CDH18: variants seen among roughly 807,000 people sequenced by gnomAD.
The protein encoded by CDH18 is cadherin-18.
CDH18 carries 31 observed loss-of-function variants against 67.9 expected under a neutral mutation model. The observed-to-expected ratio is 0.46, with a 90% CI of 0.34 to 0.62. The LOEUF (loss-of-function observed/expected upper bound fraction) is 0.62, where lower values mean the gene tolerates loss of function less well. Among genes scored for constraint, CDH18 ranks in the 20% least tolerant of loss-of-function variants. The pLI, the probability that CDH18 is intolerant of heterozygous loss-of-function variation, is 0.01. For synonymous variants in CDH18, 362 were observed against 347.2 expected (o/e 1.04, Z -0.48); for missense variants, 890 against 975.5 (o/e 0.91, Z 1.17).
chr5:20,506,212 T>C (rs1754648107), intron 1 of CDH18, among the ~76,000 whole-genome samples: 1 of 152,216 alleles, frequency 6.6e-6, no homozygotes, highest in South Asian at 2.1e-4. Flanking sequence ...CGCCTCTTCG[T>C]ACCCTTGTAT....
intron 1 of CDH18, among the ~76,000 whole-genome samples, chr5:20,426,737 A>C (rs2150168541): frequency 6.6e-6 from 1 of 151,280 alleles, no homozygotes; most frequent in Middle Eastern, 3.4e-3. Flanking sequence ...GCTTTATGGC[A>C]TTATTATTGA....
chr5:20,128,694 T>C (rs1341704019), intron 2 of CDH18, among the ~76,000 whole-genome samples: 1 of 152,144 alleles, frequency 6.6e-6, no homozygotes. Context: ...AGTTTGTAAG[T>C]TGTGATTCAT....
chr5:19,661,237 T>C (rs542913955), intron 5 of CDH18, among the ~76,000 whole-genome samples: 1 of 152,052 alleles, frequency 6.6e-6, no homozygotes, highest in South Asian at 2.1e-4. Context: ...CCAAAACATA[T>C]TAGAGCCAAT....
chr5:20,225,241 T>G (rs1008738528), intron 2 of CDH18, among the ~76,000 whole-genome samples: 11 of 152,146 alleles, frequency 7.2e-5, no homozygotes, highest in African/African-American at 2.4e-4. Flanking sequence ...TGTGACATAT[T>G]GTTTCTCTCC....
At position 19,748,582 on chromosome 5, in the gene CDH18, T is replaced by G. The variant is rs975325850; in HGVS notation, c.229-1346A>C. Among the ~76,000 whole-genome samples, 4 of 152,264 alleles carry G rather than the reference T, an allele frequency of 2.6e-5. No homozygotes were observed. The South Asian group carries it at 8.3e-4, about 32-fold the overall frequency. On this transcript the variant is annotated intron_variant, in intron 3 of 12. Coordinates refer to ENST00000382275, the MANE Select transcript of CDH18 (RefSeq NM_004934.5). Reference sequence around the variant, plus strand: ...AGTTATCCTTTATATTAAACCTTTTTGGGCACATAACCTCAATGATTTACC... The same window carrying G: ...AGTTATCCTTTATATTAAACCTTTTGGGGCACATAACCTCAATGATTTACC...
intron 2 of CDH18, among the ~76,000 whole-genome samples, chr5:20,085,804 T>C (rs1178871643): frequency 6.6e-6 from 1 of 152,120 alleles, no homozygotes; most frequent in African/African-American, 2.4e-5. Context: ...CATGATTCAA[T>C]TACCTCCCCA....
chr5:20,354,723 CT>C (rs1561997815), intron 1 of CDH18, among the ~76,000 whole-genome samples: 1 of 152,138 alleles, frequency 6.6e-6, no homozygotes, highest in Non-Finnish European at 1.5e-5. Flanking sequence ...AACTCCTAAG[CT>C]TTTCAATCCA....
upstream of CDH18, chr5:19,991,976 C>A (rs1471756346): frequency 1.3e-5 from 2 of 149,390 alleles, no homozygotes; most frequent in Non-Finnish European, 3.0e-5. Context: ...TGAGATTGCG[C>A]CACTGCACTC....
chr5:20,337,384 C>T (rs913957551), intron 1 of CDH18, among the ~76,000 whole-genome samples: 5 of 152,160 alleles, frequency 3.3e-5, no homozygotes, highest in Non-Finnish European at 5.9e-5. Flanking sequence ...GCACCCAAGT[C>T]GCCTTTAGCA....
At chr5:20,475,143 A>G (rs939684913) in intron 1 of CDH18, among the ~76,000 whole-genome samples, 24 of 152,172 alleles carry the variant, frequency 1.6e-4, no homozygotes, top group Non-Finnish European at 3.5e-4. Flanking sequence ...ATTCAGTATG[A>G]CTGCACATTT....
At chr5:19,649,806 G>C in intron 5 of CDH18, among the ~76,000 whole-genome samples, 1 of 151,532 alleles carries the variant, frequency 6.6e-6, no homozygotes, top group East Asian at 1.9e-4. Flanking sequence ...AAACTTCCAG[G>C]GTTCTTATAT....
intron 2 of CDH18, among the ~76,000 whole-genome samples, chr5:20,098,557 A>G (rs1227338792): frequency 6.6e-6 from 1 of 152,050 alleles, no homozygotes; most frequent in Non-Finnish European, 1.5e-5. Context: ...AGATTTTTAC[A>G]TTTTATACTT....
chr5:19,808,403 C>T (rs1354358446), intron 3 of CDH18, among the ~76,000 whole-genome samples: 1 of 151,536 alleles, frequency 6.6e-6, no homozygotes, highest in Non-Finnish European at 1.5e-5. Flanking sequence ...TATGTGAGGT[C>T]CAGTGCAATT....
intron 3 of CDH18, among the ~76,000 whole-genome samples, chr5:19,800,670 C>T (rs1291050663): frequency 6.6e-6 from 1 of 152,004 alleles, no homozygotes; most frequent in African/African-American, 2.4e-5. Flanking sequence ...TTTGTGTAAA[C>T]CATTGGATTC....
intron 4 of CDH18, among the ~76,000 whole-genome samples, chr5:19,734,310 C>T (rs902590176): frequency 2.6e-5 from 4 of 152,162 alleles, no homozygotes; most frequent in African/African-American, 9.7e-5. Flanking sequence ...TCTTTCCAAG[C>T]TTGTTGAGTA....
At chr5:20,016,942 C>A (rs1737932222) in intron 2 of CDH18, among the ~76,000 whole-genome samples, 1 of 152,018 alleles carries the variant, frequency 6.6e-6, no homozygotes, top group African/African-American at 2.4e-5. Context: ...AGTAATAGTG[C>A]CTTTCATTTA....
intron 1 of CDH18, among the ~76,000 whole-genome samples, chr5:20,504,760 A>ATTTT (rs70954666): frequency 4.4e-5 from 3 of 67,984 alleles, no homozygotes; most frequent in African/African-American, 1.1e-4. Context: ...ACAAAAGGGA[A>ATTTT]TTTTTTTTTT....
intron 1 of CDH18, among the ~76,000 whole-genome samples, chr5:20,483,507 G>A (rs1181372352): frequency 2.0e-5 from 3 of 151,890 alleles, no homozygotes; most frequent in Non-Finnish European, 4.4e-5. Flanking sequence ...CACTTTGGAT[G>A]ACTTCAAATT....
At position 20,155,987 on chromosome 5, in the gene CDH18, A is replaced by C. The variant is rs533478533; in HGVS notation, c.-518+99457T>G. Among the ~76,000 whole-genome samples the C allele has an allele frequency of 5.9e-5, 9 of 152,252 alleles. No individual in the cohort carries two copies. In the South Asian group the frequency reaches 1.9e-3, roughly 32 times the overall value. On this transcript the variant is annotated intron_variant, in intron 2 of 14. Transcript: ENST00000507958. ...CCAAAAAGCATATGAAAAAATACGC[A>C]ACATCACTTATCATCAAAGAAATGA...
Sources: allele counts gnomAD v4.1 joint callset (sites outside exome capture counted in the v4.1 genomes callset), GRCh38; gene constraint gnomAD v4.1.1; transcripts MANE v1.5; gene names NCBI Gene and HGNC (gene_info 2026-07-23, HGNC 2026-07-21).